SAMMSON: variants seen among roughly 807,000 people sequenced by gnomAD.
SAMMSON encodes long intergenic non-protein coding RNA 1212.
chr3:70,393,760 T>C (rs994052249), downstream of SAMMSON, among the ~76,000 whole-genome samples: 6 of 152,074 alleles, frequency 3.9e-5, no homozygotes, highest in African/African-American at 1.4e-4. Flanking sequence ...TTCACTGTTC[T>C]GTCTCCAAGC....
intron 4 of SAMMSON, among the ~76,000 whole-genome samples, chr3:70,114,200 C>G (rs890669875): frequency 6.6e-6 from 1 of 152,144 alleles, no homozygotes; most frequent in African/African-American, 2.4e-5. Flanking sequence ...GCCTAAATCT[C>G]TGGTGTGTGC....
At chr3:70,017,516 A>G (rs1479245559) in intron 3 of SAMMSON, among the ~76,000 whole-genome samples, 1 of 152,148 alleles carries the variant, frequency 6.6e-6, no homozygotes, top group Admixed American at 6.5e-5. Flanking sequence ...ATATACAATC[A>G]TGTCATCTGC....
intron 2 of SAMMSON, among the ~76,000 whole-genome samples, chr3:70,419,137 G>A (rs1701291016): frequency 6.6e-6 from 1 of 151,752 alleles, no homozygotes; most frequent in South Asian, 2.1e-4. Context: ...CGACCTTCCC[G>A]CCTCAGCCTC....
chr3:70,281,513 G>T (rs1477754666), intron 6 of SAMMSON, among the ~76,000 whole-genome samples: 1 of 152,178 alleles, frequency 6.6e-6, no homozygotes, highest in Non-Finnish European at 1.5e-5. Context: ...CTCTTTAATA[G>T]TAGTGGAGGT....
chr3:70,355,156 T>C (rs1702820230), intron 8 of SAMMSON, among the ~76,000 whole-genome samples: 1 of 152,158 alleles, frequency 6.6e-6, no homozygotes, highest in Non-Finnish European at 1.5e-5. Flanking sequence ...ATAGAACAGC[T>C]GCTAAGAGAA....
chr3:70,209,902 C>T (rs1701326414), intron 4 of SAMMSON, among the ~76,000 whole-genome samples: 1 of 152,062 alleles, frequency 6.6e-6, no homozygotes, highest in Non-Finnish European at 1.5e-5. Flanking sequence ...CCTTCTTGTT[C>T]CATTACAGCT....
intron 4 of SAMMSON, among the ~76,000 whole-genome samples, chr3:70,168,807 T>C (rs970021126): frequency 2.6e-5 from 4 of 152,016 alleles, no homozygotes; most frequent in African/African-American, 9.7e-5. Context: ...TAATTTCTTG[T>C]ACTATTCTAA....
intron 4 of SAMMSON, among the ~76,000 whole-genome samples, chr3:70,210,022 C>A (rs1405243262): frequency 2.0e-5 from 3 of 152,038 alleles, no homozygotes; most frequent in South Asian, 2.1e-4. Flanking sequence ...AATTAACAAT[C>A]AGTTCAAATT....
intron 6 of SAMMSON, among the ~76,000 whole-genome samples, chr3:70,250,119 G>A (rs922151497): frequency 5.3e-5 from 8 of 152,028 alleles, no homozygotes; most frequent in African/African-American, 1.7e-4. Context: ...TTAAGCCAGG[G>A]GATTTTTTAG....
intron 4 of SAMMSON, among the ~76,000 whole-genome samples, chr3:70,198,465 A>G (rs1484729483): frequency 6.6e-6 from 1 of 152,214 alleles, no homozygotes; most frequent in Admixed American, 6.5e-5. Context: ...AAAAATATGG[A>G]AACTTCCTAT....
At chr3:70,026,722 G>C (rs996353666) in intron 3 of SAMMSON, among the ~76,000 whole-genome samples, 2 of 152,136 alleles carry the variant, frequency 1.3e-5, no homozygotes, top group Non-Finnish European at 2.9e-5. Flanking sequence ...AAGGAGCAAG[G>C]GTCCTCTGAG....
intron 6 of SAMMSON, among the ~76,000 whole-genome samples, chr3:70,268,546 C>T (rs1701945790): frequency 6.6e-6 from 1 of 151,224 alleles, no homozygotes; most frequent in Non-Finnish European, 1.5e-5. Context: ...TACACTGACA[C>T]ATCAACACTC....
At chr3:70,250,408 A>AAC (rs1701749813) in intron 6 of SAMMSON, among the ~76,000 whole-genome samples, 1 of 109,996 alleles carries the variant, frequency 9.1e-6, no homozygotes, top group African/African-American at 3.9e-5. Context: ...CTTTTAATGA[A>AAC]TCTCACACAC....
At chr3:70,144,771 T>C (rs144818595) in intron 4 of SAMMSON, among the ~76,000 whole-genome samples, 2 of 152,264 alleles carry the variant, frequency 1.3e-5, no homozygotes, top group Admixed American at 1.3e-4. Context: ...GGAGTTTCCA[T>C]GCACAAGCTC....
At chr3:70,327,266 T>C (rs1702586489) in intron 7 of SAMMSON, among the ~76,000 whole-genome samples, 1 of 152,142 alleles carries the variant, frequency 6.6e-6, no homozygotes, top group African/African-American at 2.4e-5. Context: ...TTTTCCACCA[T>C]AAACAACTTA....
At chr3:70,357,556 G>A (rs943694196) in intron 8 of SAMMSON, among the ~76,000 whole-genome samples, 1 of 152,006 alleles carries the variant, frequency 6.6e-6, no homozygotes, top group Non-Finnish European at 1.5e-5. Flanking sequence ...TGGACACAGA[G>A]TGGGGAACAA....
chr3:70,195,172 G>A (rs1456799328), intron 4 of SAMMSON, among the ~76,000 whole-genome samples: 1 of 152,092 alleles, frequency 6.6e-6, no homozygotes, highest in Non-Finnish European at 1.5e-5. Flanking sequence ...TAAAAAGGTT[G>A]CATAAGAACA....
At chr3:70,027,135 T>C (rs181638748) in intron 3 of SAMMSON, among the ~76,000 whole-genome samples, 4 of 152,312 alleles carry the variant, frequency 2.6e-5, no homozygotes. Flanking sequence ...TCTTTGAGGT[T>C]GAGTGTTCAT....
At chr3:70,166,793 A>G (rs2067639149) in intron 4 of SAMMSON, among the ~76,000 whole-genome samples, 1 of 151,984 alleles carries the variant, frequency 6.6e-6, no homozygotes, top group Non-Finnish European at 1.5e-5. Flanking sequence ...AATTTAGTGA[A>G]TTTGAATCAT....
Sources: allele counts gnomAD v4.1 joint callset (sites outside exome capture counted in the v4.1 genomes callset), GRCh38; gene constraint gnomAD v4.1.1; transcripts MANE v1.5; gene names NCBI Gene and HGNC (gene_info 2026-07-23, HGNC 2026-07-21).